The following MYO9B variants were observed in gnomAD, a reference collection of about 807,000 sequenced individuals.
The protein encoded by MYO9B is unconventional myosin-IXb.
In MYO9B, 71 loss-of-function variants were observed where a neutral mutation model predicts 229.5. The observed-to-expected ratio is 0.31, with a 90% CI of 0.26 to 0.38. MYO9B has a LOEUF of 0.38. Ranked by LOEUF, MYO9B falls within the 10% of genes least tolerant of loss-of-function variation. The pLI, the probability that MYO9B is intolerant of heterozygous loss-of-function variation, is 1.00. For missense variants in MYO9B, 2,255 were observed against 2,920.5 expected (o/e 0.77, Z 5.25); for synonymous variants, 1,185 against 1,235.8 (o/e 0.96, Z 0.86).
intron 1 of MYO9B, among the ~76,000 whole-genome samples, chr19:17,092,370 G>A (rs1301094683): frequency 6.6e-6 from 1 of 152,236 alleles, no homozygotes. Flanking sequence ...ACAGGTGTAC[G>A]CATGTATGTA....
Position 17,172,234 on chromosome 19 carries a change from T to C in MYO9B, c.1794-102T>C, listed in dbSNP as rs2072732525. On this transcript the variant is annotated intron_variant, in intron 11 of 39. Transcript: ENST00000682292. The surrounding 1 kb of genome is among the most constrained non-coding windows in gnomAD (Gnocchi z 8.2). ...CCACTTCACTGCTCTGCCCACCCCATGCACCCACCCACCTCGTGCACCAGG... is the reference window on the plus strand; with the variant it reads ...CCACTTCACTGCTCTGCCCACCCCACGCACCCACCCACCTCGTGCACCAGG... 1 of 910,728 alleles carries C rather than the reference T, an allele frequency of 1.1e-6. No homozygotes were observed. The highest frequency in any genetic ancestry group is 1.7e-5 in the African/African-American group (1 of 60,386). 56.4% of individuals were successfully genotyped at this position (910,728 alleles called of 1,614,324 possible). A position where few individuals can be genotyped will look rare whatever the true frequency, so the allele number is the denominator to read the frequency against.
At chr19:17,206,197 A>G (rs1359890215) in intron 32 of MYO9B, 45 bp downstream of exon 32, 15 of 1,602,330 alleles carry the variant, frequency 9.4e-6, no homozygotes, top group Non-Finnish European at 1.2e-5. Flanking sequence ...CCCCAGGCAC[A>G]GCCGTCCTGC....
rs776330454 is a variant in MYO9B, at chr19:17,206,294, A to G, written c.5304A>G (p.Thr1768=). 5 of 1,576,966 alleles carry G rather than the reference A, an allele frequency of 3.2e-6. No individual in the cohort carries two copies. The highest frequency in any genetic ancestry group is 4.3e-6 in the Non-Finnish European group (5 of 1,164,440). ...KLENFPIHAI[T]GVLKQWLREL... ...AGAACTTCCCCATCCACGCCATCACAGGGGTGCTGAAGCAGTGGCTGCGGG... is the reference window on the plus strand; with the variant it reads ...AGAACTTCCCCATCCACGCCATCACGGGGGTGCTGAAGCAGTGGCTGCGGG... The change falls in exon 33 of 40, where the codon ACA becomes ACG. Residue 1768 remains threonine, a synonymous_variant. Transcript: ENST00000682292.
At chr19:17,088,391 C>T (rs1356355454) in intron 1 of MYO9B, among the ~76,000 whole-genome samples, 1 of 152,202 alleles carries the variant, frequency 6.6e-6, no homozygotes, top group Non-Finnish European at 1.5e-5. Context: ...TTCTGAGGTT[C>T]GCGGTAAGCA....
At chr19:17,075,999 C>A (rs115516916) in intron 1 of MYO9B, 125 bp downstream of exon 1, 5,065 of 151,240 alleles carry the variant, frequency 0.033, 246 homozygotes, top group African/African-American at 0.11. Context: ...GGGGCGGGAA[C>A]GAGCCTGGGG....
intron 1 of MYO9B, among the ~76,000 whole-genome samples, chr19:17,100,156 C>T (rs150436912): frequency 3.1e-4 from 46 of 149,646 alleles, no homozygotes; most frequent in Non-Finnish European, 5.0e-4. Flanking sequence ...CACCACTACA[C>T]GATATATGTG....
At chr19:17,094,955 T>C (rs950328281) in intron 1 of MYO9B, among the ~76,000 whole-genome samples, 5 of 151,576 alleles carry the variant, frequency 3.3e-5, no homozygotes, top group Non-Finnish European at 5.9e-5. Context: ...AAATAAAAAT[T>C]TGGCCAGGCG....
chr19:17,123,424 T>TTGTGTGTGTGTGTGTGTG (rs3222984), intron 2 of MYO9B, among the ~76,000 whole-genome samples: 102 of 146,934 alleles, frequency 6.9e-4, no homozygotes, highest in East Asian at 2.0e-3. Context: ...CAGTAGAAAT[T>TTGTGTGTGTGTGTGTGTG]TGTGTGTGTG....
In MYO9B at chr19:17,212,517, A is replaced by C; in HGVS notation, c.*207A>C. 3 of 523,030 alleles carry C rather than the reference A, an allele frequency of 5.7e-6. No individual in the cohort carries two copies. The highest frequency in any genetic ancestry group is 9.8e-6 in the Non-Finnish European group (3 of 305,018). 32.4% of individuals were successfully genotyped at this position (523,030 alleles called of 1,614,324 possible). ...AGGCCCCCTCGCACGCAGCCCCCAAATCATGGACGCACCTGTGGGGAGCAC... is the reference window on the plus strand; with the variant it reads ...AGGCCCCCTCGCACGCAGCCCCCAACTCATGGACGCACCTGTGGGGAGCAC... On this transcript the variant is annotated 3_prime_UTR_variant, in exon 40 of 40. Coordinates refer to ENST00000682292, the MANE Select transcript of MYO9B (RefSeq NM_004145.4). The surrounding 1 kb of genome is among the most constrained non-coding windows in gnomAD (Gnocchi z 5.4).
At position 17,212,360 on chromosome 19, in the gene MYO9B, A is replaced by C; in HGVS notation, c.*50A>C. On this transcript the variant is annotated 3_prime_UTR_variant, in exon 40 of 40. Transcript: ENST00000682292. This position sits in a 1 kb window ranked among gnomAD's most constrained non-coding sequence, Gnocchi z 5.4. ...TGTCCGAGGACGGCCCCTGCACTGG[A>C]GCTGGGCGCCAGAGCTGCAGAGCTA... The C allele has an allele frequency of 7.1e-7, 1 of 1,414,590 alleles. No homozygotes were observed. The highest frequency in any genetic ancestry group is 2.6e-5 in the East Asian group (1 of 38,100). 87.6% of individuals were successfully genotyped at this position (1,414,590 alleles called of 1,614,324 possible).
At chr19:17,085,336 G>A (rs2057572080) in intron 1 of MYO9B, among the ~76,000 whole-genome samples, 2 of 152,176 alleles carry the variant, frequency 1.3e-5, no homozygotes, top group African/African-American at 4.8e-5. Flanking sequence ...TCACAGATGG[G>A]CAGCATTGGG....
At position 17,097,074 on chromosome 19, in the gene MYO9B, C is replaced by T. The variant is rs995159980; in HGVS notation, c.-58-4586C>T. 1.6e-4 allele frequency among the ~76,000 whole-genome samples: 25 copies of T among 151,792 alleles called. No homozygotes were observed. In the East Asian group the frequency reaches 3.0e-3, roughly 18 times the overall value. On this transcript the variant is annotated intron_variant, in intron 1 of 39. Coordinates refer to ENST00000682292, the MANE Select transcript of MYO9B (RefSeq NM_004145.4). ...ATCCCAGCACTTTGGGAGGCCGAGG[C>T]GGGTGGATCACTTGAAGTCAGGAGT...
At chr19:17,202,754 C>G in intron 28 of MYO9B, 88 bp from the exon 29 acceptor site, 2 of 1,350,526 alleles carry the variant, frequency 1.5e-6, no homozygotes, top group South Asian at 2.6e-5. Flanking sequence ...TTCAGGGTAC[C>G]CACACGCCTG....
rs761057117 is a variant in MYO9B at position 17,101,130 on chromosome 19, G to T, written c.-58-530G>T. On this transcript the variant is annotated intron_variant, in intron 1 of 39. Transcript: ENST00000682292. The surrounding 1 kb of genome is among the most constrained non-coding windows in gnomAD (Gnocchi z 4.7). ...GGGGCTGGGATGGAGCAAACTCAGGGGAAGGGTCAGGTCTTGGGGTTGTCT... is the reference window on the plus strand; with the variant it reads ...GGGGCTGGGATGGAGCAAACTCAGGTGAAGGGTCAGGTCTTGGGGTTGTCT... Among the ~76,000 whole-genome samples, 3 of 151,486 alleles carry T rather than the reference G, an allele frequency of 2.0e-5. No homozygotes were observed. The highest frequency in any genetic ancestry group is 4.4e-5 in the Non-Finnish European group (3 of 67,916).
intron 4 of MYO9B, among the ~76,000 whole-genome samples, chr19:17,152,984 T>C (rs901808906): frequency 2.0e-5 from 3 of 152,072 alleles, no homozygotes; most frequent in Admixed American, 6.6e-5. Context: ...TATACTTAGA[T>C]TGGAAACATT....
chr19:17,196,840 A>AAGGG (rs1201109988), intron 22 of MYO9B, among the ~76,000 whole-genome samples: 1 of 151,954 alleles, frequency 6.6e-6, no homozygotes, highest in Non-Finnish European at 1.5e-5. Context: ...GGATGGATGG[A>AAGGG]CAGACAGAAG....
Position 17,148,097 on chromosome 19 carries a change from C to T in MYO9B, c.935+2606C>T, listed in dbSNP as rs528334595. Among the ~76,000 whole-genome samples, 17 of 152,274 alleles carry T rather than the reference C, an allele frequency of 1.1e-4. 1 individual carries two copies. Among genetic ancestry groups the T allele is most frequent in the Admixed American group, 5.9e-4 (9 of 15,282 alleles). ...TTATCTTTGGTTTTCTTTTTCTTCC[C>T]GTGGGTCCATCTTTTGCACGATCCT... On this transcript the variant is annotated intron_variant, in intron 3 of 39. Coordinates refer to ENST00000682292, the MANE Select transcript of MYO9B (RefSeq NM_004145.4).
At chr19:17,211,483 C>G (rs897312881) in intron 38 of MYO9B, among the ~76,000 whole-genome samples, 164 bp from the exon 39 acceptor site, 2 of 152,044 alleles carry the variant, frequency 1.3e-5, no homozygotes, top group Non-Finnish European at 2.9e-5. Context: ...CTATGTTGCC[C>G]AGGCTGGGTT....
intron 24 of MYO9B, 86 bp downstream of exon 24, chr19:17,198,394 A>G: frequency 6.4e-7 from 1 of 1,555,344 alleles, no homozygotes. Flanking sequence ...GGCCTCCTAA[A>G]CCAATCACGT....
Sources: allele counts gnomAD v4.1 joint callset (sites outside exome capture counted in the v4.1 genomes callset), GRCh38; gene constraint gnomAD v4.1.1; non-coding constraint Gnocchi (gnomAD v3.1); transcripts MANE v1.5; gene names NCBI Gene and HGNC (gene_info 2026-07-23, HGNC 2026-07-21).